DIAPH3: variants seen among roughly 807,000 people sequenced by gnomAD.
DIAPH3 encodes the protein protein diaphanous homolog 3.
Under a neutral mutation model 144.3 loss-of-function variants are expected in DIAPH3, and 117 were observed. The ratio of observed to expected loss-of-function variants is 0.81; its 90% CI spans 0.70 to 0.95. The LOEUF is 0.95. Ranked by LOEUF, DIAPH3 falls within the 40% of genes least tolerant of loss-of-function variation. The probability of loss-of-function intolerance (pLI) is 0.00; values close to 1 mark genes in which losing one functional copy is unlikely to be tolerated. For synonymous variants in DIAPH3, 519 were observed against 488.9 expected (o/e 1.06, Z -0.81); for missense variants, 1,421 against 1,412.7 (o/e 1.01, Z -0.09).
chr13:59,729,810 ATTTTT>A (rs59987412), intron 27 of DIAPH3, among the ~76,000 whole-genome samples: 1 of 134,236 alleles, frequency 7.4e-6, no homozygotes, highest in African/African-American at 3.1e-5. Flanking sequence ...ATACATTAAT[ATTTTT>A]TTTTTTTTTT....
rs146304975 is a variant in DIAPH3, at chr13:59,828,991, C to T, written c.3027+4116G>A. Among the ~76,000 whole-genome samples the T allele has an allele frequency of 1.6e-3, 239 of 152,016 alleles. 1 individual carries two copies. The Middle Eastern group carries it at 0.02, about 13-fold the overall frequency. On this transcript the variant is annotated intron_variant, in intron 24 of 27. Transcript: ENST00000400324. Reference sequence around the variant, plus strand: ...GCTACAAGATTTTGAAACTTTTCCCCCTTGTTCTACATGGCTTGAGGCAGC... The same window carrying T: ...GCTACAAGATTTTGAAACTTTTCCCTCTTGTTCTACATGGCTTGAGGCAGC...
chr13:59,809,046 T>C (rs568013132), intron 25 of DIAPH3, among the ~76,000 whole-genome samples: 29 of 152,236 alleles, frequency 1.9e-4, no homozygotes, highest in Non-Finnish European at 3.8e-4. Context: ...TTGGAAGTTT[T>C]ATTAGAATTT....
In DIAPH3 at chr13:59,970,299, T is replaced by C. The variant is rs188843790; in HGVS notation, c.1960-241A>G. 1.6e-3 allele frequency among the ~76,000 whole-genome samples: 246 copies of C among 152,350 alleles called. 1 individual carries two copies. The highest frequency in any genetic ancestry group is 5.6e-3 in the African/African-American group (232 of 41,592). ...GATTTGAAATACGATTTAATTAGCT[T>C]CTTCTCAATTGCATTTCTCATAGTC... On this transcript the variant is annotated intron_variant, in intron 16 of 27. Coordinates refer to ENST00000400324, the MANE Select transcript of DIAPH3 (RefSeq NM_001042517.2).
intron 27 of DIAPH3, among the ~76,000 whole-genome samples, chr13:59,675,376 C>T (rs907066540): frequency 2.0e-4 from 30 of 151,700 alleles, no homozygotes; most frequent in African/African-American, 7.2e-4. Flanking sequence ...CCTTTACATG[C>T]TATTTTTAAT....
At chr13:60,049,929 C>T (rs559526866) in intron 4 of DIAPH3, among the ~76,000 whole-genome samples, 2 of 152,210 alleles carry the variant, frequency 1.3e-5, no homozygotes, top group Admixed American at 6.5e-5. Context: ...GTAGCTCATG[C>T]CTGTAATTCC....
intron 18 of DIAPH3, among the ~76,000 whole-genome samples, chr13:59,917,464 T>C (rs1353758018): frequency 1.3e-5 from 2 of 152,158 alleles, no homozygotes; most frequent in African/African-American, 4.8e-5. Flanking sequence ...GCATCATCTG[T>C]ATTCATATCA....
intron 20 of DIAPH3, among the ~76,000 whole-genome samples, chr13:59,901,895 T>C (rs908755964): frequency 2.0e-5 from 3 of 152,186 alleles, no homozygotes; most frequent in African/African-American, 7.2e-5. Context: ...AGTGGCACGA[T>C]CTTGGCTCAC....
chr13:59,868,049 G>C (rs2044035455), intron 21 of DIAPH3, among the ~76,000 whole-genome samples: 1 of 152,084 alleles, frequency 6.6e-6, no homozygotes, highest in African/African-American at 2.4e-5. Flanking sequence ...CAGGGTCGCA[G>C]TGAGACTGGC....
chr13:59,785,019 C>T (rs2038958608), intron 25 of DIAPH3, among the ~76,000 whole-genome samples: 1 of 152,044 alleles, frequency 6.6e-6, no homozygotes, highest in Admixed American at 6.5e-5. Flanking sequence ...AACCAGACAG[C>T]AAAAAGACAG....
rs1445465125 is a variant in DIAPH3 at position 59,992,112 on chromosome 13, C to T, written c.1200G>A (p.Leu400=). 11 of 1,611,868 alleles carry T rather than the reference C, an allele frequency of 6.8e-6. No homozygotes were observed. Among genetic ancestry groups the T allele is most frequent in the Non-Finnish European group, 8.5e-6 (10 of 1,178,784 alleles). Reference sequence around the variant, plus strand: ...CTTCAAGGCGATGGGATAACTCAAACAAATCTTCTTCTTTATGCTCATCAA... The same window carrying T: ...CTTCAAGGCGATGGGATAACTCAAATAAATCTTCTTCTTTATGCTCATCAA... ...KVFDEHKEED[L]FELSHRLEDI... The change falls in exon 11 of 28, where the codon TTG becomes TTA. Residue 400 remains leucine, a synonymous_variant. Transcript: ENST00000400324.
rs537303798 is a variant in DIAPH3 at position 59,942,566 on chromosome 13, C to A, written c.2075-17696G>T. On this transcript the variant is annotated intron_variant, in intron 17 of 27. Transcript: ENST00000400324. ...AAACAATTCAAACAATATAGAAGTA[C>A]AATTTTTAAAAAGTAAAGTTTCCCC... Among the ~76,000 whole-genome samples, 4 of 152,110 alleles carry A rather than the reference C, an allele frequency of 2.6e-5. No individual in the cohort carries two copies. In the South Asian group the frequency reaches 8.3e-4, roughly 32 times the overall value.
At chr13:59,752,462 G>A (rs2139126242) in intron 27 of DIAPH3, among the ~76,000 whole-genome samples, 1 of 151,212 alleles carries the variant, frequency 6.6e-6, no homozygotes, top group Middle Eastern at 3.4e-3. Flanking sequence ...CGACCTCCTA[G>A]GCTCAAGCAA....
intron 25 of DIAPH3, among the ~76,000 whole-genome samples, chr13:59,795,456 T>TC (rs1491323357): frequency 1.1e-4 from 13 of 117,296 alleles, no homozygotes; most frequent in East Asian, 3.0e-4. Flanking sequence ...TCTCTCTCTC[T>TC]TTTTTTTTTT....
At chr13:59,895,639 G>A (rs2046050768) in intron 20 of DIAPH3, among the ~76,000 whole-genome samples, 2 of 152,148 alleles carry the variant, frequency 1.3e-5, no homozygotes, top group African/African-American at 2.4e-5. Flanking sequence ...TGTCTCAGGA[G>A]CCACAACGTG....
intron 27 of DIAPH3, among the ~76,000 whole-genome samples, chr13:59,750,993 G>C (rs1417850131): frequency 6.6e-6 from 1 of 152,214 alleles, no homozygotes. Flanking sequence ...AGCACTGTCG[G>C]CTGCTCAAAT....
At chr13:60,074,485 TTG>T (rs765447255) in intron 4 of DIAPH3, among the ~76,000 whole-genome samples, 164 of 152,196 alleles carry the variant, frequency 1.1e-3, no homozygotes, top group African/African-American at 3.6e-3. Flanking sequence ...ACATTATCCT[TTG>T]TGTGTGTGTG....
intron 21 of DIAPH3, among the ~76,000 whole-genome samples, chr13:59,864,865 T>C (rs912776739): frequency 6.6e-6 from 1 of 151,900 alleles, no homozygotes; most frequent in African/African-American, 2.4e-5. Context: ...ACTCACTGAA[T>C]AGTAAAGGGA....
At chr13:59,749,044 T>A (rs2036847058) in intron 27 of DIAPH3, among the ~76,000 whole-genome samples, 1 of 151,376 alleles carries the variant, frequency 6.6e-6, no homozygotes, top group African/African-American at 2.4e-5. Flanking sequence ...TGAAGCCCCG[T>A]CTCTACTGAG....
rs566000352 is a variant in DIAPH3 at position 59,824,021 on chromosome 13, G to A, written c.3027+9086C>T. Among the ~76,000 whole-genome samples, 23 of 151,886 alleles carry A rather than the reference G, an allele frequency of 1.5e-4. No individual in the cohort carries two copies. In the South Asian group the frequency reaches 2.5e-3, roughly 17 times the overall value. On this transcript the variant is annotated intron_variant, in intron 24 of 27. Coordinates refer to ENST00000400324, the MANE Select transcript of DIAPH3 (RefSeq NM_001042517.2). ...ATAAACCAAAAATTGACTTAAAGTCGGCAAACAGCACAAATGACAAATCTT... is the reference window on the plus strand; with the variant it reads ...ATAAACCAAAAATTGACTTAAAGTCAGCAAACAGCACAAATGACAAATCTT...
Sources: allele counts gnomAD v4.1 joint callset (sites outside exome capture counted in the v4.1 genomes callset), GRCh38; gene constraint gnomAD v4.1.1; transcripts MANE v1.5; gene names NCBI Gene and HGNC (gene_info 2026-07-23, HGNC 2026-07-21).